The following C3orf70 variants were observed in gnomAD, a reference collection of about 807,000 sequenced individuals.
C3orf70 encodes the protein chromosome 3 open reading frame 70.
A neutral mutation model predicts 20.7 loss-of-function variants in C3orf70; 15 were observed. The observed-to-expected ratio is 0.72, with a 90% CI of 0.48 to 1.11. The LOEUF is 1.11. C3orf70 is among the 50% of genes most tolerant of loss of function. The probability of loss-of-function intolerance (pLI) is 0.00; values close to 1 mark genes in which losing one functional copy is unlikely to be tolerated. For synonymous variants in C3orf70, 161 were observed against 125.7 expected, an observed-to-expected ratio of 1.28 and a Z score of -1.88; for missense variants, 332 against 317.6, an observed-to-expected ratio of 1.05 and a Z score of -0.34.
At chr3:185,150,743 G>A (rs1426128805) in intron 1 of C3orf70, among the ~76,000 whole-genome samples, 2 of 152,234 alleles carry the variant, frequency 1.3e-5, no homozygotes, top group South Asian at 2.1e-4. Flanking sequence ...ACCTTTCTAG[G>A]GGCCACAGTC....
Position 185,077,951 on chromosome 3 carries a change from T to G in C3orf70, c.*5056A>C, listed in dbSNP as rs1210363894. The G allele has an allele frequency of 6.6e-6, 1 of 152,292 alleles. No homozygotes were observed. The highest frequency in any genetic ancestry group is 1.5e-5 in the Non-Finnish European group (1 of 68,030). The allele number at this position is 152,292 out of a possible 1,614,324, so 9.4% of individuals were successfully genotyped here. On this transcript the variant is annotated 3_prime_UTR_variant, in exon 2 of 2. Coordinates refer to ENST00000335012, the MANE Select transcript of C3orf70 (RefSeq NM_001025266.3). The stretch of plus-strand genomic sequence containing the variant: ...TAATGGGGTAATGGCCATACGCTAT[T>G]TCCTAGCACGTAGGAAAGACCTGAT...
chr3:185,121,809 C>T (rs1716303583), intron 1 of C3orf70, among the ~76,000 whole-genome samples: 1 of 152,062 alleles, frequency 6.6e-6, no homozygotes, highest in Non-Finnish European at 1.5e-5. Context: ...TGGTTAAAAG[C>T]AAGAGCATGG....
chr3:185,111,314 A>G lies in C3orf70; in HGVS notation c.197-27751T>C, dbSNP rs565114489. Among the ~76,000 whole-genome samples, 6 of 152,356 alleles carry G rather than the reference A, an allele frequency of 3.9e-5. No individual in the cohort carries two copies. In the South Asian group the frequency reaches 1.0e-3, roughly 26 times the overall value. On this transcript the variant is annotated intron_variant, in intron 1 of 1. Coordinates refer to ENST00000335012, the MANE Select transcript of C3orf70 (RefSeq NM_001025266.3). ...AAAGTGAAAAAAGACAACCCACAGA[A>G]AGAGAGAAAATATTTGCCAGTCATA... is the stretch of plus-strand genomic sequence containing the variant.
chr3:185,138,946 T>G (rs971795251), intron 1 of C3orf70, among the ~76,000 whole-genome samples: 16 of 151,582 alleles, frequency 1.1e-4, no homozygotes, highest in African/African-American at 1.5e-4. Flanking sequence ...CAAAAAAAGT[T>G]TTTTAATTAG....
At chr3:185,146,895 G>A (rs945373632) in intron 1 of C3orf70, among the ~76,000 whole-genome samples, 4 of 152,150 alleles carry the variant, frequency 2.6e-5, no homozygotes, top group East Asian at 3.9e-4. Context: ...CCTGACAGTT[G>A]AACCCTCTAA....
intron 1 of C3orf70, among the ~76,000 whole-genome samples, chr3:185,127,542 C>T (rs1275139730): frequency 3.3e-5 from 5 of 152,072 alleles, no homozygotes; most frequent in African/African-American, 4.8e-5. Flanking sequence ...GGGGTTCAAG[C>T]GATTCTCTTG....
chr3:185,145,255 T>C (rs1716833272), intron 1 of C3orf70, among the ~76,000 whole-genome samples: 2 of 152,200 alleles, frequency 1.3e-5, no homozygotes, highest in Admixed American at 6.5e-5. Flanking sequence ...TGGGAAATTA[T>C]AGAAAGGCCC....
At chr3:185,127,305 T>C (rs1349397546) in intron 1 of C3orf70, among the ~76,000 whole-genome samples, 1 of 152,224 alleles carries the variant, frequency 6.6e-6, no homozygotes, top group Non-Finnish European at 1.5e-5. Context: ...CTAAATGTTG[T>C]TGCAGAACTG....
At chr3:185,136,879 C>G (rs1716638112) in intron 1 of C3orf70, among the ~76,000 whole-genome samples, 1 of 151,718 alleles carries the variant, frequency 6.6e-6, no homozygotes, top group Non-Finnish European at 1.5e-5. Flanking sequence ...CACTGCACTC[C>G]AGCCTGGGTG....
intron 1 of C3orf70, among the ~76,000 whole-genome samples, chr3:185,135,590 G>C (rs145816148): frequency 1.3e-5 from 2 of 152,210 alleles, no homozygotes; most frequent in African/African-American, 4.8e-5. Context: ...GCAGAGTAGC[G>C]TAACTATAGT....
intron 1 of C3orf70, among the ~76,000 whole-genome samples, chr3:185,117,943 C>T (rs540162751): frequency 1.5e-3 from 222 of 152,292 alleles, no homozygotes; most frequent in Non-Finnish European, 2.7e-3. Context: ...AGTGTTACTT[C>T]CTCAGGGAAT....
At chr3:185,122,743 G>A (rs1716328746) in intron 1 of C3orf70, among the ~76,000 whole-genome samples, 2 of 152,148 alleles carry the variant, frequency 1.3e-5, no homozygotes, top group South Asian at 4.2e-4. Flanking sequence ...AGGAAGATCT[G>A]ACCTCAATGT....
chr3:185,135,391 C>G (rs909987629), intron 1 of C3orf70, among the ~76,000 whole-genome samples: 4 of 152,124 alleles, frequency 2.6e-5, no homozygotes, highest in African/African-American at 9.7e-5. Flanking sequence ...GAGGCTGAGG[C>G]AGGCAGAAAA....
At chr3:185,084,625 C>T (rs910840146) in intron 1 of C3orf70, among the ~76,000 whole-genome samples, 1 of 152,060 alleles carries the variant, frequency 6.6e-6, no homozygotes, top group Admixed American at 6.5e-5. Context: ...CTAGGAAGCC[C>T]ACAAGCTTAT....
intron 1 of C3orf70, among the ~76,000 whole-genome samples, chr3:185,116,757 AG>A (rs1288884717): frequency 1.3e-5 from 2 of 151,978 alleles, no homozygotes; most frequent in Non-Finnish European, 2.9e-5. Flanking sequence ...AGGTCTTTAG[AG>A]GTCAGTTAGT....
chr3:185,108,218 G>A (rs1349691878), intron 1 of C3orf70, among the ~76,000 whole-genome samples: 1 of 152,132 alleles, frequency 6.6e-6, no homozygotes, highest in Non-Finnish European at 1.5e-5. Flanking sequence ...ACCAATTGAA[G>A]GTGCTGAAAA....
intron 1 of C3orf70, among the ~76,000 whole-genome samples, chr3:185,128,595 C>T (rs1716462801): frequency 6.6e-6 from 1 of 150,940 alleles, no homozygotes; most frequent in Admixed American, 6.6e-5. Flanking sequence ...AACTCCTTTT[C>T]TGAAAATAAA....
chr3:185,134,114 A>AAC (rs1716574873), intron 1 of C3orf70, among the ~76,000 whole-genome samples: 1 of 144,884 alleles, frequency 6.9e-6, no homozygotes, highest in Non-Finnish European at 1.5e-5. Flanking sequence ...AAAAAAATAC[A>AAC]TCATATATAT....
chr3:185,088,157 C>T (rs189330765), intron 1 of C3orf70, among the ~76,000 whole-genome samples: 57 of 152,168 alleles, frequency 3.7e-4, no homozygotes, highest in Non-Finnish European at 5.4e-4. Flanking sequence ...GTGATCCACC[C>T]GCCTCGGCCT....
Sources: allele counts gnomAD v4.1 joint callset (sites outside exome capture counted in the v4.1 genomes callset), GRCh38; gene constraint gnomAD v4.1.1; transcripts MANE v1.5; gene names NCBI Gene and HGNC (gene_info 2026-07-23, HGNC 2026-07-21).